TPGS2: variants seen among roughly 807,000 people sequenced by gnomAD.
TPGS2 encodes the protein tubulin polyglutamylase complex subunit 2.
A neutral mutation model predicts 31.1 loss-of-function variants in TPGS2; 26 were observed. The observed-to-expected ratio is 0.84, with a 90% confidence interval of 0.61 to 1.16. The LOEUF (loss-of-function observed/expected upper bound fraction) is 1.16. Among genes scored for constraint, TPGS2 ranks in the 50% most tolerant of loss-of-function variants. The pLI is 0.00. For missense variants in TPGS2, 351 were observed against 363.8 expected (o/e 0.96, Z 0.29); for synonymous variants, 130 against 136.6 (o/e 0.95, Z 0.34).
At chr18:36,814,113 T>C (rs1213703067) in intron 2 of TPGS2, among the ~76,000 whole-genome samples, 3 of 152,356 alleles carry the variant, frequency 2.0e-5, no homozygotes, top group East Asian at 1.9e-4. Flanking sequence ...TATCTGGGGA[T>C]TGGAGGGTGT....
rs769901485 is a variant in TPGS2, at chr18:36,798,470, A to G, written c.636T>C (p.Tyr212=). 1 of 1,614,208 alleles carries G rather than the reference A, an allele frequency of 6.2e-7. No individual in the cohort carries two copies. The highest frequency in any genetic ancestry group is 1.7e-5 in the Admixed American group (1 of 60,030). ...LPQWQYAFTS[Y]GISPQAKQWF... ...TTACCTTGGCCTGTGGGCTAATGCCATAGCTGGTGAAGGCATATTGCCACT... is the reference window on the plus strand; with the variant it reads ...TTACCTTGGCCTGTGGGCTAATGCCGTAGCTGGTGAAGGCATATTGCCACT... Residue 212 remains tyrosine (Y), a synonymous_variant, in exon 6 of 7, where the codon TAT becomes TAC. Coordinates refer to ENST00000334295, the MANE Select transcript of TPGS2 (RefSeq NM_015476.4).
intron 4 of TPGS2, 55 bp from the exon 5 acceptor site, chr18:36,800,366 C>T (rs528232715): frequency 6.8e-7 from 1 of 1,467,952 alleles, no homozygotes; most frequent in Non-Finnish European, 9.5e-7. Flanking sequence ...CAAACACATA[C>T]CTATATATCC....
chr18:36,819,622 A>G (rs145840867), intron 1 of TPGS2, among the ~76,000 whole-genome samples: 203 of 152,310 alleles, frequency 1.3e-3, no homozygotes, highest in African/African-American at 4.6e-3. Flanking sequence ...GGAATACTAC[A>G]GAGTTCAATA....
intron 2 of TPGS2, among the ~76,000 whole-genome samples, chr18:36,815,588 G>C (rs1275377136): frequency 1.3e-5 from 2 of 151,828 alleles, no homozygotes; most frequent in Non-Finnish European, 2.9e-5. Context: ...CTGTGGTTAT[G>C]TCTAGGTAGG....
chr18:36,822,458 T>C (rs554013301), intron 1 of TPGS2, among the ~76,000 whole-genome samples: 16 of 152,328 alleles, frequency 1.1e-4, no homozygotes, highest in African/African-American at 3.4e-4. Flanking sequence ...TGTGGGTGGT[T>C]GTGGGATCCC....
At chr18:36,820,496 G>A (rs72885215) in intron 1 of TPGS2, among the ~76,000 whole-genome samples, 8,034 of 152,262 alleles carry the variant, frequency 0.053, 268 homozygotes, top group Non-Finnish European at 0.073. Context: ...CAGAATTGGT[G>A]AGGAGGTGGT....
downstream of TPGS2, among the ~76,000 whole-genome samples, chr18:36,793,726 A>G (rs1270538746): frequency 2.0e-5 from 3 of 150,722 alleles, no homozygotes; most frequent in Admixed American, 1.3e-4. Flanking sequence ...GTAAATGCTC[A>G]TATTTTCTTT....
At chr18:36,827,151 G>A (rs964518551) in intron 1 of TPGS2, among the ~76,000 whole-genome samples, 3 of 151,842 alleles carry the variant, frequency 2.0e-5, no homozygotes, top group African/African-American at 4.8e-5. Context: ...TAAAGACATG[G>A]GCCACCATGC....
intron 4 of TPGS2, among the ~76,000 whole-genome samples, chr18:36,802,517 G>A (rs149438760): frequency 2.7e-4 from 41 of 151,340 alleles, no homozygotes; most frequent in East Asian, 1.9e-3. Context: ...CAATGTCACC[G>A]TTTTCAGTTC....
intron 2 of TPGS2, among the ~76,000 whole-genome samples, chr18:36,811,277 A>C (rs1322339517): frequency 2.6e-5 from 4 of 152,170 alleles, no homozygotes; most frequent in Non-Finnish European, 5.9e-5. Context: ...ATATTCTCAA[A>C]CTCCCACCTT....
chr18:36,780,484 A>G (rs1253699460), downstream of TPGS2, among the ~76,000 whole-genome samples: 1 of 152,258 alleles, frequency 6.6e-6, no homozygotes, highest in Non-Finnish European at 1.5e-5. Context: ...TTGTGTACAG[A>G]GAGCCTCAGA....
rs1202584861 is a variant in TPGS2 at position 36,794,868 on chromosome 18, C to G, written c.*1937G>C. On this transcript the variant is annotated 3_prime_UTR_variant, in exon 7 of 7. Coordinates refer to ENST00000334295, the MANE Select transcript of TPGS2 (RefSeq NM_015476.4). ...ACACACACACACACACACACACACA[C>G]ACACACACACACACGTTTAAATGAC... is the stretch of plus-strand genomic sequence containing the variant. The G allele has an allele frequency of 2.1e-6, 2 of 946,426 alleles. No individual in the cohort carries two copies. Among genetic ancestry groups the G allele is most frequent in the East Asian group, 1.6e-4 (1 of 6,336 alleles). 58.6% of individuals were successfully genotyped at this position (946,426 alleles called of 1,614,324 possible).
At chr18:36,804,728 G>A (rs890148736) in intron 4 of TPGS2, among the ~76,000 whole-genome samples, 1 of 152,168 alleles carries the variant, frequency 6.6e-6, no homozygotes, top group African/African-American at 2.4e-5. Flanking sequence ...ACAACTAAAA[G>A]TATTTACCTT....
downstream of TPGS2, among the ~76,000 whole-genome samples, chr18:36,791,996 C>T (rs2044326520): frequency 6.7e-6 from 1 of 149,700 alleles, no homozygotes; most frequent in Admixed American, 6.7e-5. Flanking sequence ...CCACTGCACT[C>T]CAGCCTGGGC....
chr18:36,798,049 C>T (rs753869596), intron 6 of TPGS2: 2 of 628,378 alleles, frequency 3.2e-6, no homozygotes, highest in Admixed American at 5.1e-5. Flanking sequence ...CAATGAGTAT[C>T]TTGGGAAGGG....
At chr18:36,814,874 T>C (rs929557905) in intron 2 of TPGS2, among the ~76,000 whole-genome samples, 10 of 152,260 alleles carry the variant, frequency 6.6e-5, no homozygotes, top group Non-Finnish European at 1.5e-4. Flanking sequence ...GTTTTACTTA[T>C]ACTGTAGTTT....
In TPGS2 at chr18:36,828,901, G is replaced by A. The variant is rs1255540502; in HGVS notation, c.-134C>T. On this transcript the variant is annotated 5_prime_UTR_variant, in exon 1 of 7. Coordinates refer to ENST00000334295, the MANE Select transcript of TPGS2 (RefSeq NM_015476.4). Reference sequence around the variant, plus strand: ...GAAAGCGCGGCGCAGTGATGATGGGGGCCCGGGGTTGGTCTGACAGCAGCA... The same window carrying A: ...GAAAGCGCGGCGCAGTGATGATGGGAGCCCGGGGTTGGTCTGACAGCAGCA... The A allele has an allele frequency of 5.2e-6, 6 of 1,158,590 alleles. No individual in the cohort carries two copies. The highest frequency in any genetic ancestry group is 7.2e-6 in the Non-Finnish European group (6 of 832,622). 71.8% of individuals were successfully genotyped at this position (1,158,590 alleles called of 1,614,324 possible).
chr18:36,823,633 T>C (rs2046002991), intron 1 of TPGS2, among the ~76,000 whole-genome samples: 1 of 151,126 alleles, frequency 6.6e-6, no homozygotes, highest in South Asian at 2.1e-4. Flanking sequence ...GCTAATTTTT[T>C]GTATTTTTAG....
chr18:36,802,167 G>A (rs1331953884), intron 4 of TPGS2, among the ~76,000 whole-genome samples: 1 of 152,194 alleles, frequency 6.6e-6, no homozygotes, highest in African/African-American at 2.4e-5. Context: ...GTTGCTCCAG[G>A]TGGGTAGATA....
Sources: allele counts gnomAD v4.1 joint callset (sites outside exome capture counted in the v4.1 genomes callset), GRCh38; gene constraint gnomAD v4.1.1; transcripts MANE v1.5; gene names NCBI Gene and HGNC (gene_info 2026-07-23, HGNC 2026-07-21).